The following LRRC17 variants were observed in gnomAD, a reference collection of about 807,000 sequenced individuals.
LRRC17 encodes the protein leucine rich repeat containing 17, also known as leucine-rich repeat-containing protein 17.
A neutral mutation model predicts 41.5 loss-of-function variants in LRRC17; 33 were observed. The ratio of observed to expected loss-of-function variants is 0.80; its 90% CI spans 0.60 to 1.06. The LOEUF is 1.06. LRRC17 is among the 50% of genes least tolerant of loss of function. The probability of loss-of-function intolerance (pLI) is 0.00; values close to 1 mark genes in which losing one functional copy is unlikely to be tolerated. For missense variants in LRRC17, 491 were observed against 519.3 expected, an observed-to-expected ratio of 0.95 and a Z score of 0.53; for synonymous variants, 192 against 197.0, an observed-to-expected ratio of 0.97 and a Z score of 0.21.
intron 1 of LRRC17, among the ~76,000 whole-genome samples, chr7:102,927,546 C>T (rs1183774581): frequency 6.6e-6 from 1 of 152,196 alleles, no homozygotes; most frequent in African/African-American, 2.4e-5. Context: ...GTCAGAGCAT[C>T]TGTCACACTC....
At chr7:102,928,795 G>GCAGAGACATTATAATGA (rs1326913876) in intron 1 of LRRC17, among the ~76,000 whole-genome samples, 1 of 152,160 alleles carries the variant, frequency 6.6e-6, no homozygotes, top group Non-Finnish European at 1.5e-5. Context: ...ATAATGACAG[G>GCAGAGACATTATAATGA]CAGACATCTG....
rs1297005480 is a variant in LRRC17, at chr7:102,944,387, A to AC, written c.1107dup (p.Asn370GlnfsTer5). On this transcript the variant is annotated frameshift_variant, in exon 4 of 4. Transcript: ENST00000339431. LOFTEE classifies it high-confidence loss of function. ...CTCTACTACTGGTTAAAGCACCACT[A>AC]CAATGTCCATTTTAATGGCCTGGAA... 2 of 1,613,964 alleles carry AC rather than the reference A, an allele frequency of 1.2e-6. No homozygotes were observed. Among genetic ancestry groups the AC allele is most frequent in the African/African-American group, 1.3e-5 (1 of 74,926 alleles).
At chr7:102,940,640 CAAACCA>C in intron 3 of LRRC17, among the ~76,000 whole-genome samples, 1 of 152,206 alleles carries the variant, frequency 6.6e-6, no homozygotes, top group South Asian at 2.1e-4. Context: ...AAAATGTGCT[CAAACCA>C]GAGCCAGACA....
intron 1 of LRRC17, chr7:102,933,115 G>C (rs1819539116): frequency 6.6e-6 from 1 of 152,236 alleles, no homozygotes; most frequent in African/African-American, 2.4e-5. Flanking sequence ...CACCCAACAA[G>C]TGGGAAGAAG....
chr7:102,918,307 C>A (rs1816311861), intron 1 of LRRC17, among the ~76,000 whole-genome samples: 1 of 152,092 alleles, frequency 6.6e-6, no homozygotes, highest in South Asian at 2.1e-4. Flanking sequence ...ATGGCAAGAA[C>A]TAGAAGGAAG....
In LRRC17 at chr7:102,933,932, G is replaced by T; in HGVS notation, c.19G>T (p.Val7Leu). Residue 7 changes from valine (V) to leucine (L), a missense_variant, in exon 2 of 4, where the codon GTA (valine) becomes TTA (leucine). Coordinates refer to ENST00000339431, the MANE Select transcript of LRRC17 (RefSeq NM_001031692.3). ...TGTCAGGATGCGTGTGGTTACCATT[G>T]TAATCTTGCTCTGCTTTTGCAAAGC... Reference protein sequence around the residue: MRVVTIVILLCFCKAAE... With the variant: MRVVTILILLCFCKAAE... The T allele has an allele frequency of 6.2e-7, 1 of 1,609,628 alleles. No homozygotes were observed.
chr7:102,918,198 A>C (rs1170609477), intron 1 of LRRC17, among the ~76,000 whole-genome samples: 2 of 152,230 alleles, frequency 1.3e-5, no homozygotes, highest in Admixed American at 6.5e-5. Context: ...AAAACAGAGA[A>C]TCATTATGAA....
chr7:102,917,161 T>C (rs1181288019), intron 1 of LRRC17, among the ~76,000 whole-genome samples: 1 of 152,226 alleles, frequency 6.6e-6, no homozygotes, highest in African/African-American at 2.4e-5. Flanking sequence ...AATGGAGTGA[T>C]CTGGCCTTCT....
intron 1 of LRRC17, among the ~76,000 whole-genome samples, chr7:102,930,967 T>C (rs1819063216): frequency 6.6e-6 from 1 of 152,206 alleles, no homozygotes; most frequent in Admixed American, 6.5e-5. Flanking sequence ...ACACATCTCC[T>C]GCCCTTTGGG....
intron 1 of LRRC17, among the ~76,000 whole-genome samples, chr7:102,930,522 C>T (rs564935604): frequency 1.9e-4 from 29 of 152,354 alleles, no homozygotes; most frequent in African/African-American, 6.7e-4. Flanking sequence ...CAATATCCCA[C>T]TGAAACTGTT....
At chr7:102,925,354 C>T (rs1037323712) in intron 1 of LRRC17, among the ~76,000 whole-genome samples, 3 of 152,168 alleles carry the variant, frequency 2.0e-5, no homozygotes, top group African/African-American at 7.2e-5. Context: ...ATGATTGTAC[C>T]ATTGCATTGC....
intron 1 of LRRC17, among the ~76,000 whole-genome samples, chr7:102,916,877 T>C (rs1563086734): frequency 1.3e-5 from 2 of 152,334 alleles, no homozygotes; most frequent in East Asian, 1.9e-4. Context: ...ACAATTCTTA[T>C]AGAAACTACA....
At position 102,922,702 on chromosome 7, in the gene LRRC17, GT is replaced by G. The variant is rs973456924; in HGVS notation, c.-141+9558del. Among the ~76,000 whole-genome samples the G allele has an allele frequency of 2.5e-4, 38 of 152,300 alleles. 1 individual carries two copies. The highest frequency in any genetic ancestry group is 1.4e-3 in the Admixed American group (22 of 15,296). On this transcript the variant is annotated intron_variant, in intron 1 of 3. Transcript: ENST00000339431. Reference sequence around the variant, plus strand: ...AATTAAAGAATGATGACTGGGCGTGGTGGCTCACGCCTATAATCCCAGCACT... The same window carrying G: ...AATTAAAGAATGATGACTGGGCGTGGGGCTCACGCCTATAATCCCAGCACT...
chr7:102,928,052 T>A (rs1410608106), intron 1 of LRRC17, among the ~76,000 whole-genome samples: 1 of 152,018 alleles, frequency 6.6e-6, no homozygotes, highest in African/African-American at 2.4e-5. Context: ...GAAGGTGGAG[T>A]AGCTTTATGT....
Position 102,944,537 on chromosome 7 carries a change from ATG to A in LRRC17, c.1257_1258del (p.Asp419GlufsTer7), listed in dbSNP as rs1227201908. ...TCATTTGACCAAGACACAGAAGATG[ATG>A]AATGGGAAAAAAAACATAGAGATCA... On this transcript the variant is annotated frameshift_variant, in exon 4 of 4. Transcript: ENST00000339431. LOFTEE classifies it high-confidence loss of function. 6.2e-7 allele frequency: 1 copy of A among 1,613,666 alleles called. No individual in the cohort carries two copies. Among genetic ancestry groups the A allele is most frequent in the Non-Finnish European group, 8.5e-7 (1 of 1,179,884 alleles).
At chr7:102,915,142 T>C (rs1056862191) in intron 1 of LRRC17, among the ~76,000 whole-genome samples, 1 of 150,574 alleles carries the variant, frequency 6.6e-6, no homozygotes, top group Non-Finnish European at 1.5e-5. Flanking sequence ...TTTTTTTTTT[T>C]ACACTGATCA....
chr7:102,944,091 C>T (rs1821984606), intron 3 of LRRC17, 119 bp from the exon 4 acceptor site: 1 of 769,398 alleles, frequency 1.3e-6, no homozygotes, highest in Non-Finnish European at 2.0e-6. Context: ...GAAAAGAAAT[C>T]TCTTTATTTT....
chr7:102,933,800 G>A lies in LRRC17; in HGVS notation c.-114G>A, dbSNP rs1233401220. ...CTAGGGACTCCACGTACCCCAGCTG[G>A]GTCTCATTGTTCCAGAACTGCATTA... On this transcript the variant is annotated 5_prime_UTR_variant, in exon 2 of 4. Transcript: ENST00000339431. The A allele has an allele frequency of 2.7e-6, 3 of 1,126,098 alleles. No homozygotes were observed. The highest frequency in any genetic ancestry group is 2.5e-6 in the Non-Finnish European group (2 of 806,490). The allele number at this position is 1,126,098 out of a possible 1,614,324, so 69.8% of individuals were successfully genotyped here. A position where few individuals can be genotyped will look rare whatever the true frequency, so the allele number is the denominator to read the frequency against.
chr7:102,938,263 T>TG (rs1820715409), intron 2 of LRRC17, among the ~76,000 whole-genome samples: 1 of 152,312 alleles, frequency 6.6e-6, no homozygotes, highest in African/African-American at 2.4e-5. Flanking sequence ...TAACATCAGA[T>TG]GGGGGAGAAT....
Sources: allele counts gnomAD v4.1 joint callset (sites outside exome capture counted in the v4.1 genomes callset), GRCh38; gene constraint gnomAD v4.1.1; transcripts MANE v1.5; gene names NCBI Gene and HGNC (gene_info 2026-07-23, HGNC 2026-07-21).